The following DSCAML1 variants were observed in gnomAD, a reference collection of about 807,000 sequenced individuals.
DSCAML1 encodes the protein cell adhesion molecule DSCAML1.
In DSCAML1, 38 loss-of-function variants were observed where a neutral mutation model predicts 200.5. That is an observed-to-expected ratio of 0.19 (90% confidence interval 0.15 to 0.25). DSCAML1 has a LOEUF of 0.25. DSCAML1 is among the 10% of genes least tolerant of loss of function. The pLI, the probability that DSCAML1 is intolerant of heterozygous loss-of-function variation, is 1.00. For synonymous variants in DSCAML1, 1,215 were observed against 1,165.0 expected, an observed-to-expected ratio of 1.04 and a Z score of -0.87; for missense variants, 2,223 against 2,858.8, an observed-to-expected ratio of 0.78 and a Z score of 5.07.
At chr11:117,800,848 ACAG>A (rs1404865766), upstream of DSCAML1, 1 of 152,292 alleles carries the variant, frequency 6.6e-6, no homozygotes, top group Middle Eastern at 3.4e-3. Flanking sequence ...ATCCTGAGAA[ACAG>A]CAGATGTTTT....
rs1464550876 is a variant in DSCAML1 at position 117,642,336 on chromosome 11, T to A, written c.512-109814A>T. Among the ~76,000 whole-genome samples the A allele has an allele frequency of 1.3e-5, 2 of 152,182 alleles. No individual in the cohort carries two copies. Among genetic ancestry groups the A allele is most frequent in the Non-Finnish European group, 2.9e-5 (2 of 68,032 alleles). ...CTCACACCTGCCATCCTCTTTTTTT[T>A]TCTTGCTTGAGCTCTGGTCCTATGT... On this transcript the variant is annotated intron_variant, in intron 3 of 32. Transcript: ENST00000651296. The surrounding 1 kb of genome is among the most constrained non-coding windows in gnomAD (Gnocchi z 4.1).
At chr11:117,583,875 T>C (rs1179667109) in intron 3 of DSCAML1, among the ~76,000 whole-genome samples, 1 of 152,254 alleles carries the variant, frequency 6.6e-6, no homozygotes, top group African/African-American at 2.4e-5. Context: ...TGATTCACTT[T>C]AGCGTTGCTC....
intron 3 of DSCAML1, among the ~76,000 whole-genome samples, chr11:117,575,867 CAAAACA>C (rs1565800017): frequency 1.3e-5 from 2 of 150,774 alleles, no homozygotes; most frequent in Admixed American, 6.6e-5. Context: ...CAAAACAAAA[CAAAACA>C]AAACAAAACA....
At chr11:117,434,523 C>T in intron 27 of DSCAML1, among the ~76,000 whole-genome samples, 1 of 151,988 alleles carries the variant, frequency 6.6e-6, no homozygotes, top group East Asian at 1.9e-4. Context: ...TCCATCCATC[C>T]AAGCATTTGT....
At chr11:117,548,426 A>G (rs1169964721) in intron 3 of DSCAML1, among the ~76,000 whole-genome samples, 1 of 152,028 alleles carries the variant, frequency 6.6e-6, no homozygotes, top group East Asian at 1.9e-4. Flanking sequence ...ATAGGGGTAC[A>G]CCCTTCCCTG....
chr11:117,537,619 A>G (rs886647122), intron 3 of DSCAML1, among the ~76,000 whole-genome samples: 3 of 152,156 alleles, frequency 2.0e-5, no homozygotes. Context: ...CGGTCTTTGC[A>G]AATGTAATCA....
chr11:117,800,269 GA>G (rs1565292790), upstream of DSCAML1, among the ~76,000 whole-genome samples: 2 of 152,214 alleles, frequency 1.3e-5, no homozygotes, highest in Admixed American at 1.3e-4. Flanking sequence ...AAACGCCGGG[GA>G]AGAGAGTCAG....
chr11:117,628,612 T>G (rs552697637), intron 3 of DSCAML1, among the ~76,000 whole-genome samples: 2 of 152,294 alleles, frequency 1.3e-5, no homozygotes, highest in East Asian at 3.9e-4. Flanking sequence ...CTCCTTGGAC[T>G]TGCACTATCT....
At chr11:117,441,893 A>T (rs3894250) in intron 21 of DSCAML1, among the ~76,000 whole-genome samples, 2 of 151,728 alleles carry the variant, frequency 1.3e-5, no homozygotes, top group African/African-American at 4.8e-5. Context: ...GGGTGTTCTC[A>T]GAGTTTCTCC....
At chr11:117,777,274 G>A (rs367698305) in intron 2 of DSCAML1, among the ~76,000 whole-genome samples, 5 of 152,270 alleles carry the variant, frequency 3.3e-5, no homozygotes, top group African/African-American at 1.2e-4. Context: ...AGCCTTGAGG[G>A]CAGCACTAAG....
At chr11:117,566,275 G>T (rs186398337) in intron 3 of DSCAML1, among the ~76,000 whole-genome samples, 70 of 152,038 alleles carry the variant, frequency 4.6e-4, no homozygotes, top group African/African-American at 1.6e-3. Context: ...AGAAGCTCAG[G>T]TCTGTTGATT....
chr11:117,467,196 TC>T (rs1462816898), intron 16 of DSCAML1, among the ~76,000 whole-genome samples: 6 of 114,494 alleles, frequency 5.2e-5, no homozygotes, highest in Non-Finnish European at 1.0e-4. Flanking sequence ...CACACACACC[TC>T]CCCCCTCCCC....
At chr11:117,772,251 G>A (rs2055052608) in intron 3 of DSCAML1, among the ~76,000 whole-genome samples, 1 of 152,196 alleles carries the variant, frequency 6.6e-6, no homozygotes, top group Admixed American at 6.5e-5. Context: ...GAGGCTGGTA[G>A]TTTACTTTGC....
chr11:117,593,600 G>A (rs2051302986), intron 3 of DSCAML1, among the ~76,000 whole-genome samples: 3 of 152,240 alleles, frequency 2.0e-5, no homozygotes, highest in African/African-American at 7.2e-5. Flanking sequence ...GCTGGGCAGG[G>A]CTTGGGGCCC....
At chr11:117,442,290 T>G (rs2048077563) in intron 21 of DSCAML1, among the ~76,000 whole-genome samples, 1 of 150,796 alleles carries the variant, frequency 6.6e-6, no homozygotes, top group African/African-American at 2.4e-5. Flanking sequence ...AGTGTGTATG[T>G]GTGTATATGT....
upstream of DSCAML1, among the ~76,000 whole-genome samples, chr11:117,800,217 G>A (rs557928865): frequency 3.3e-5 from 5 of 152,304 alleles, no homozygotes; most frequent in East Asian, 9.6e-4. Context: ...GTTGTATTGG[G>A]GTGGGCAAGC....
rs775841788 is a variant in DSCAML1 at position 117,437,387 on chromosome 11, T to A, written c.4455A>T (p.Gln1485His). 4.3e-6 allele frequency: 7 copies of A among 1,612,654 alleles called. No homozygotes were observed. Among genetic ancestry groups the A allele is most frequent in the Non-Finnish European group, 5.9e-6 (7 of 1,178,962 alleles). Residue 1485 changes from glutamine (Q) to histidine (H), a missense_variant, in exon 26 of 33, where the codon CAA (glutamine) becomes CAT (histidine). Coordinates refer to ENST00000651296, the MANE Select transcript of DSCAML1 (RefSeq NM_020693.4). This position sits in a 1 kb window ranked among gnomAD's most constrained non-coding sequence, Gnocchi z 5.3. ...TGGAGTTGATGTGGGTGAAGAGGTG[T>A]TGGTCTTTGCTGAAGGAGGGCTCTG... ...HGREPSFSKD[Q>H]HLFTHINSTH...
intron 3 of DSCAML1, among the ~76,000 whole-genome samples, chr11:117,652,033 C>G (rs1487636121): frequency 6.6e-6 from 1 of 152,208 alleles, no homozygotes; most frequent in Non-Finnish European, 1.5e-5. Context: ...AGGCCTGGTG[C>G]TCTTGGCCTT....
At chr11:117,737,403 C>T (rs1285371788) in intron 3 of DSCAML1, among the ~76,000 whole-genome samples, 2 of 152,188 alleles carry the variant, frequency 1.3e-5, no homozygotes, top group Non-Finnish European at 2.9e-5. Flanking sequence ...GCATACAGTG[C>T]ATGGGGGAAT....
Sources: allele counts gnomAD v4.1 joint callset (sites outside exome capture counted in the v4.1 genomes callset), GRCh38; gene constraint gnomAD v4.1.1; non-coding constraint Gnocchi (gnomAD v3.1); transcripts MANE v1.5; gene names NCBI Gene and HGNC (gene_info 2026-07-23, HGNC 2026-07-21).